Variants in PXDNL observed in about 807,000 individuals in gnomAD.
The protein encoded by PXDNL is peroxidasin like.
Under a neutral mutation model 150.8 loss-of-function variants are expected in PXDNL, and 145 were observed. The observed-to-expected ratio is 0.96, with a 90% CI of 0.84 to 1.10. PXDNL has a LOEUF of 1.10. Ranked by LOEUF, PXDNL falls within the 50% of genes least tolerant of loss-of-function variation. The probability of loss-of-function intolerance (pLI) is 0.00; values close to 1 mark genes in which losing one functional copy is unlikely to be tolerated. For missense variants in PXDNL, 2,087 were observed against 1,873.9 expected, an observed-to-expected ratio of 1.11 and a Z score of -2.10; for synonymous variants, 757 against 725.7, an observed-to-expected ratio of 1.04 and a Z score of -0.69.
chr8:51,409,643 C>G lies in PXDNL; in HGVS notation c.2063-82G>C, dbSNP rs181541260. 5.1e-4 allele frequency: 601 copies of G among 1,169,342 alleles called. 3 individuals carry two copies. In the African/African-American group the frequency reaches 8.5e-3, roughly 17 times the overall value. 72.4% of individuals were successfully genotyped at this position (1,169,342 alleles called of 1,614,324 possible). On this transcript the variant is annotated intron_variant, in intron 16 of 22. Coordinates refer to ENST00000356297, the MANE Select transcript of PXDNL (RefSeq NM_144651.5). ...CTTGGAACTCCAGATGCTGCGGGAA[C>G]CACCTCCCACCCCGCCCGCCCTGAG...
intron 8 of PXDNL, among the ~76,000 whole-genome samples, chr8:51,463,317 A>C (rs1007979243): frequency 2.0e-5 from 3 of 152,226 alleles, no homozygotes; most frequent in Non-Finnish European, 4.4e-5. Flanking sequence ...TGGTCCATTA[A>C]AAAGGCACAG....
chr8:51,635,025 G>A (rs543090427), intron 2 of PXDNL, among the ~76,000 whole-genome samples: 2 of 152,076 alleles, frequency 1.3e-5, no homozygotes, highest in Admixed American at 6.6e-5. Flanking sequence ...TTGAATAGGG[G>A]TGGTGAGAGT....
At chr8:51,701,895 TCAGACTGCC>T (rs1378513056) in intron 1 of PXDNL, among the ~76,000 whole-genome samples, 1 of 152,184 alleles carries the variant, frequency 6.6e-6, no homozygotes, top group Non-Finnish European at 1.5e-5. Flanking sequence ...GGTTCTCAGC[TCAGACTGCC>T]CATGAAATTC....
intron 21 of PXDNL, among the ~76,000 whole-genome samples, chr8:51,336,437 A>T (rs1248085907): frequency 1.3e-5 from 2 of 152,204 alleles, no homozygotes; most frequent in Non-Finnish European, 2.9e-5. Flanking sequence ...TGGACCATTA[A>T]AATTTATGTC....
intron 17 of PXDNL, among the ~76,000 whole-genome samples, chr8:51,396,140 T>G (rs1345773094): frequency 1.3e-5 from 2 of 152,174 alleles, no homozygotes; most frequent in African/African-American, 4.8e-5. Flanking sequence ...AGTCCACCTA[T>G]GCCTGCGAGA....
chr8:51,654,612 G>A, intron 2 of PXDNL, 77 bp downstream of exon 2: 1 of 1,102,200 alleles, frequency 9.1e-7, no homozygotes, highest in Non-Finnish European at 1.4e-6. Flanking sequence ...TTGACACTCA[G>A]AATGACTTTC....
intron 8 of PXDNL, among the ~76,000 whole-genome samples, chr8:51,460,012 C>G (rs1035236622): frequency 1.3e-5 from 2 of 151,990 alleles, no homozygotes; most frequent in Admixed American, 1.3e-4. Context: ...CTATGGGAGG[C>G]TGAGGTGGGA....
At chr8:51,451,092 T>C (rs1344506671) in intron 10 of PXDNL, among the ~76,000 whole-genome samples, 1 of 151,598 alleles carries the variant, frequency 6.6e-6, no homozygotes, top group East Asian at 1.9e-4. Flanking sequence ...AACTTTTGAA[T>C]AATAATAACT....
chr8:51,675,216 G>A (rs1815587570), intron 1 of PXDNL, among the ~76,000 whole-genome samples: 1 of 152,160 alleles, frequency 6.6e-6, no homozygotes, highest in African/African-American at 2.4e-5. Flanking sequence ...TGTTGCCAAT[G>A]CGATAGTATT....
chr8:51,494,967 C>T (rs1811008878), intron 5 of PXDNL, among the ~76,000 whole-genome samples: 1 of 152,140 alleles, frequency 6.6e-6, no homozygotes, highest in African/African-American at 2.4e-5. Context: ...CCCAAATCAA[C>T]AGAATATACA....
chr8:51,546,313 GCCATACCAC>G (rs1356181790), intron 4 of PXDNL, among the ~76,000 whole-genome samples: 1 of 152,210 alleles, frequency 6.6e-6, no homozygotes, highest in East Asian at 1.9e-4. Flanking sequence ...TGAGTCTATA[GCCATACCAC>G]CCTGAAAGTG....
chr8:51,347,100 GA>G, intron 19 of PXDNL, among the ~76,000 whole-genome samples: 1 of 151,842 alleles, frequency 6.6e-6, no homozygotes, highest in Non-Finnish European at 1.5e-5. Context: ...AATAAAACAG[GA>G]TAACAACCCG....
intron 11 of PXDNL, 147 bp downstream of exon 11, chr8:51,448,855 T>A: frequency 3.0e-6 from 2 of 658,212 alleles, no homozygotes; most frequent in South Asian, 1.8e-5. Flanking sequence ...ATTATGATGA[T>A]GTCATATTTA....
chr8:51,657,044 A>G (rs1021778518), intron 1 of PXDNL, among the ~76,000 whole-genome samples: 3 of 152,232 alleles, frequency 2.0e-5, no homozygotes, highest in Non-Finnish European at 4.4e-5. Flanking sequence ...TAAGTCAAAA[A>G]TGCATTTAAT....
chr8:51,436,911 A>T (rs1436524626), intron 12 of PXDNL, among the ~76,000 whole-genome samples: 1 of 152,240 alleles, frequency 6.6e-6, no homozygotes, highest in Non-Finnish European at 1.5e-5. Flanking sequence ...TAAATGAAAA[A>T]AAAGCTGGTT....
chr8:51,340,780 A>G (rs1046458444), intron 20 of PXDNL, among the ~76,000 whole-genome samples: 3 of 152,250 alleles, frequency 2.0e-5, no homozygotes, highest in Non-Finnish European at 1.5e-5. Flanking sequence ...GGCACCATGA[A>G]TCAGTACTGA....
intron 2 of PXDNL, among the ~76,000 whole-genome samples, chr8:51,652,021 T>C (rs982686530): frequency 1.1e-4 from 16 of 152,224 alleles, no homozygotes; most frequent in African/African-American, 2.9e-4. Context: ...CCAACTGTTT[T>C]TGAGAAAACC....
At chr8:51,616,347 G>A (rs1296166730) in intron 2 of PXDNL, among the ~76,000 whole-genome samples, 1 of 152,130 alleles carries the variant, frequency 6.6e-6, no homozygotes, top group Non-Finnish European at 1.5e-5. Context: ...GAACACCAAG[G>A]CCCACTCTGG....
At chr8:51,320,170 T>A (rs928912570) in intron 22 of PXDNL, 148 bp from the exon 23 acceptor site, 3 of 657,936 alleles carry the variant, frequency 4.6e-6, no homozygotes, top group Non-Finnish European at 6.6e-6. Flanking sequence ...CATTTTTGCA[T>A]GGTTTCTATT....
Sources: gnomAD v4.1 joint callset for allele counts (sites outside exome capture counted in the v4.1 genomes callset) on GRCh38, gnomAD v4.1.1 for gene constraint, MANE v1.5 for transcripts, NCBI Gene and HGNC (gene_info 2026-07-23, HGNC 2026-07-21) for gene names.